The following SERPINE2 variants were observed in gnomAD, a reference collection of about 807,000 sequenced individuals.
SERPINE2 encodes the protein serpin family E member 2, also known as glia-derived nexin.
A neutral mutation model predicts 36.3 loss-of-function variants in SERPINE2; 14 were observed. That is an observed-to-expected ratio of 0.39 (90% CI 0.25 to 0.60). The LOEUF is 0.60. SERPINE2 is among the 20% of genes least tolerant of loss of function. The pLI is 0.57. For missense variants in SERPINE2, 418 were observed against 499.6 expected, an observed-to-expected ratio of 0.84 and a Z score of 1.56; for synonymous variants, 192 against 191.8, an observed-to-expected ratio of 1.00 and a Z score of -0.01.
chr2:223,997,358 T>C (rs1390814567), intron 3 of SERPINE2, among the ~76,000 whole-genome samples: 2 of 152,046 alleles, frequency 1.3e-5, no homozygotes, highest in Non-Finnish European at 2.9e-5. Flanking sequence ...GTAGCTGGGA[T>C]TACAGGTGCC....
chr2:223,985,036 G>T, intron 4 of SERPINE2, 86 bp from the exon 5 acceptor site: 1 of 1,161,846 alleles, frequency 8.6e-7, no homozygotes, highest in Non-Finnish European at 1.3e-6. Flanking sequence ...GATAGCTTCA[G>T]AGAGCAACTC....
chr2:224,027,185 G>GC (rs1033696883), intron 1 of SERPINE2, among the ~76,000 whole-genome samples: 47 of 152,116 alleles, frequency 3.1e-4, no homozygotes, highest in African/African-American at 9.9e-4. Context: ...GCACTACTGA[G>GC]CCCCCCTGCT....
In SERPINE2 at chr2:223,984,664, A is replaced by G. The variant is rs2106139741; in HGVS notation, c.884+88T>C. ...CAGAACAGGCTTCATGATGTGCCAT[A>G]TTTTCGCCTCATGTTGTCTGGTGTC... On this transcript the variant is annotated intron_variant, in intron 5 of 8. Transcript: ENST00000409304. 1.6e-5 allele frequency: 20 copies of G among 1,243,816 alleles called. 1 individual carries two copies. In the South Asian group the frequency reaches 2.2e-4, roughly 14 times the overall value. The allele number at this position is 1,243,816 out of a possible 1,614,324, so 77.0% of individuals were successfully genotyped here.
At chr2:224,012,916 A>C (rs1691680988) in intron 1 of SERPINE2, among the ~76,000 whole-genome samples, 1 of 152,216 alleles carries the variant, frequency 6.6e-6, no homozygotes, top group Non-Finnish European at 1.5e-5. Flanking sequence ...AAAAGGAGAA[A>C]GAGTTGAGAA....
chr2:224,006,071 G>A (rs1365005405), intron 1 of SERPINE2, among the ~76,000 whole-genome samples: 1 of 152,174 alleles, frequency 6.6e-6, no homozygotes, highest in Non-Finnish European at 1.5e-5. Flanking sequence ...TTTTGCAAAT[G>A]CCAGACTCAA....
chr2:223,989,415 G>C (rs894006554), intron 4 of SERPINE2, among the ~76,000 whole-genome samples: 18 of 152,212 alleles, frequency 1.2e-4, no homozygotes, highest in African/African-American at 4.1e-4. Flanking sequence ...GGCCCTGTGA[G>C]TTTGGACACA....
intron 1 of SERPINE2, among the ~76,000 whole-genome samples, chr2:224,035,166 A>G (rs1355428047): frequency 1.3e-5 from 2 of 152,168 alleles, no homozygotes; most frequent in African/African-American, 4.8e-5. Context: ...ACTGTGCAGT[A>G]AGCACTAGGC....
At chr2:223,991,740 G>A in intron 4 of SERPINE2, 63 bp downstream of exon 4, 1 of 1,512,774 alleles carries the variant, frequency 6.6e-7, no homozygotes. Flanking sequence ...TTAAGTTAAA[G>A]CACTCAAGGG....
intron 1 of SERPINE2, among the ~76,000 whole-genome samples, chr2:224,008,667 C>G (rs1161566144): frequency 6.6e-6 from 1 of 152,180 alleles, no homozygotes; most frequent in Admixed American, 6.5e-5. Context: ...ATCTTCTGTT[C>G]CAGATGGAAT....
intron 1 of SERPINE2, among the ~76,000 whole-genome samples, chr2:224,031,752 A>AG: frequency 9.6e-6 from 1 of 104,624 alleles, no homozygotes; most frequent in African/African-American, 4.2e-5. Flanking sequence ...TAGGATTTCC[A>AG]CCCCCCACCC....
At position 224,001,977 on chromosome 2, in the gene SERPINE2, CTT is replaced by C. The variant is rs10706128; in HGVS notation, c.-22-57_-22-56del. On this transcript the variant is annotated intron_variant, in intron 1 of 8. Transcript: ENST00000409304. ...TTATACTTAAATGGGTACTTTACTA[CTT>C]TTTTTTTTTTTCCCCCAGATAGAGA... is the stretch of plus-strand genomic sequence containing the variant. 11,185 of 1,176,974 alleles carry C rather than the reference CTT, an allele frequency of 9.5e-3. 72 individuals carry two copies. Among genetic ancestry groups the C allele is most frequent in the East Asian group, 0.057 (2,001 of 35,236 alleles). The allele number at this position is 1,176,974 out of a possible 1,614,324, so 72.9% of individuals were successfully genotyped here. A position where few individuals can be genotyped will look rare whatever the true frequency, so the allele number is the denominator to read the frequency against.
chr2:224,009,493 G>A (rs115159038), intron 1 of SERPINE2, among the ~76,000 whole-genome samples: 2,355 of 152,202 alleles, frequency 0.015, 52 homozygotes, highest in African/African-American at 0.053. Context: ...CCAGGAGTTC[G>A]AAACCAGCCT....
intron 1 of SERPINE2, among the ~76,000 whole-genome samples, chr2:224,007,072 T>G (rs1691452352): frequency 6.6e-6 from 1 of 152,242 alleles, no homozygotes; most frequent in African/African-American, 2.4e-5. Context: ...ATGAAGCTCA[T>G]TTTCTACCTA....
intron 4 of SERPINE2, among the ~76,000 whole-genome samples, chr2:223,986,530 T>C (rs1292801490): frequency 6.6e-6 from 1 of 152,162 alleles, no homozygotes; most frequent in Non-Finnish European, 1.5e-5. Context: ...CTTTAATCCT[T>C]GAAGAAAACA....
intron 4 of SERPINE2, among the ~76,000 whole-genome samples, chr2:223,987,344 A>G (rs1690476974): frequency 6.6e-6 from 1 of 152,100 alleles, no homozygotes; most frequent in African/African-American, 2.4e-5. Flanking sequence ...CAGGTAAACT[A>G]CATGGAATAT....
At position 224,039,121 on chromosome 2, in the gene SERPINE2, G is replaced by A. The variant is rs1692628381; in HGVS notation, c.-45C>T. ...CACCGCGCTCGCTGGATCCCCAGGG[G>A]GCGGCCGCGGAGGGCGGTGCGGCCG... is the stretch of plus-strand genomic sequence containing the variant. On this transcript the variant is annotated 5_prime_UTR_variant, in exon 1 of 9. Coordinates refer to ENST00000409304, the MANE Select transcript of SERPINE2 (RefSeq NM_001136528.2). This position sits in a 1 kb window ranked among gnomAD's most constrained non-coding sequence, Gnocchi z 5.2. The A allele has an allele frequency of 6.6e-6, 1 of 151,126 alleles. No individual in the cohort carries two copies. The highest frequency in any genetic ancestry group is 2.4e-5 in the African/African-American group (1 of 41,426). 9.4% of individuals were successfully genotyped at this position (151,126 alleles called of 1,614,324 possible). A position where few individuals can be genotyped will look rare whatever the true frequency, so the allele number is the denominator to read the frequency against.
intron 4 of SERPINE2, among the ~76,000 whole-genome samples, chr2:223,990,891 T>C (rs1690637282): frequency 6.6e-6 from 1 of 152,208 alleles, no homozygotes; most frequent in Non-Finnish European, 1.5e-5. Context: ...GGTGGGAGGA[T>C]AGCTTGAGTC....
At chr2:223,996,130 C>T (rs577623234) in intron 3 of SERPINE2, among the ~76,000 whole-genome samples, 5 of 152,290 alleles carry the variant, frequency 3.3e-5, no homozygotes, top group South Asian at 4.1e-4. Context: ...TCCCAGCACA[C>T]GTGGGGGTTT....
rs1690061607 is a variant in SERPINE2 at position 223,977,588 on chromosome 2, A to G, written c.1112T>C (p.Ile371Thr). 3 of 1,613,604 alleles carry G rather than the reference A, an allele frequency of 1.9e-6. No homozygotes were observed. The African/African-American group carries it at 4.0e-5, about 22-fold the overall frequency. Reference protein sequence around the residue: ...LIARSSPPWFIVDRPFLFFIR... With the variant: ...LIARSSPPWFTVDRPFLFFIR... ...GAAAAACAGAAAAGGTCTGTCTACTATAAACCAGGGAGGCGATGATCTTGC... is the reference window on the plus strand; with the variant it reads ...GAAAAACAGAAAAGGTCTGTCTACTGTAAACCAGGGAGGCGATGATCTTGC... Residue 371 changes from isoleucine (I) to threonine (T), a missense_variant, in exon 8 of 9, where the codon ATA becomes ACA. By Grantham distance (89) the Ile-to-Thr change is moderately conservative. Coordinates refer to ENST00000409304, the MANE Select transcript of SERPINE2 (RefSeq NM_001136528.2).
Sources: allele counts gnomAD v4.1 joint callset (sites outside exome capture counted in the v4.1 genomes callset), GRCh38; gene constraint gnomAD v4.1.1; non-coding constraint Gnocchi (gnomAD v3.1); transcripts MANE v1.5; gene names NCBI Gene and HGNC (gene_info 2026-07-23, HGNC 2026-07-21).